Variants in YTHDF2 observed in about 807,000 individuals in gnomAD.
YTHDF2 encodes YTH domain-containing family protein 2.
Under a neutral mutation model 50.4 loss-of-function variants are expected in YTHDF2, and 2 were observed. The observed-to-expected ratio is 0.04, with a 90% CI of 0.02 to 0.12. The LOEUF is 0.12. Ranked by LOEUF, YTHDF2 falls within the 10% of genes least tolerant of loss-of-function variation. The pLI is 1.00. For synonymous variants in YTHDF2, 217 were observed against 255.6 expected (o/e 0.85, Z 1.44); for missense variants, 483 against 722.6 (o/e 0.67, Z 3.80).
At chr1:28,753,903 C>T (rs543431683) in intron 4 of YTHDF2, among the ~76,000 whole-genome samples, 1 of 152,044 alleles carries the variant, frequency 6.6e-6, no homozygotes, top group South Asian at 2.1e-4. Context: ...GACAGGGTTT[C>T]ATCATGTTGG....
At chr1:28,747,747 A>G (rs1168871148) in intron 4 of YTHDF2, among the ~76,000 whole-genome samples, 1 of 151,410 alleles carries the variant, frequency 6.6e-6, no homozygotes, top group South Asian at 2.1e-4. Flanking sequence ...TGAGTATCCT[A>G]GTTCTCAGCC....
At chr1:28,752,935 C>A (rs190567847) in intron 4 of YTHDF2, among the ~76,000 whole-genome samples, 61 of 151,880 alleles carry the variant, frequency 4.0e-4, no homozygotes, top group Admixed American at 2.3e-3. Context: ...AGTATAGCTA[C>A]TCAGGAGGCT....
intron 4 of YTHDF2, among the ~76,000 whole-genome samples, chr1:28,744,370 C>T (rs899852636): frequency 7.2e-5 from 11 of 152,192 alleles, no homozygotes; most frequent in African/African-American, 2.7e-4. Flanking sequence ...GAAATGTTCT[C>T]TGTTGGATTA....
chr1:28,746,265 T>C (rs2087858981), intron 4 of YTHDF2, among the ~76,000 whole-genome samples: 2 of 152,114 alleles, frequency 1.3e-5, no homozygotes, highest in Admixed American at 6.6e-5. Context: ...ATCTTATTAA[T>C]CTTTATAATA....
intron 4 of YTHDF2, among the ~76,000 whole-genome samples, chr1:28,757,379 C>G (rs906461839): frequency 6.6e-6 from 1 of 152,138 alleles, no homozygotes; most frequent in Non-Finnish European, 1.5e-5. Flanking sequence ...GGCCAATCCC[C>G]TGTGTGAACT....
Position 28,768,923 on chromosome 1 carries a change from C to T in YTHDF2, c.1717-6C>T, listed in dbSNP as rs1296870189. On this transcript the variant is annotated splice_region_variant and splice_polypyrimidine_tract_variant and intron_variant, in intron 4 of 4. Transcript: ENST00000373812. ...AACCATTTCAATTTTTTTCTTACCT[C>T]TGTAGGAACGTCAAGGTCGTGGGAA... 7.5e-6 allele frequency: 12 copies of T among 1,590,982 alleles called. No homozygotes were observed. The African/African-American group carries it at 1.6e-4, about 21-fold the overall frequency.
intron 4 of YTHDF2, among the ~76,000 whole-genome samples, chr1:28,759,243 TAATA>T (rs1276892159): frequency 5.3e-5 from 8 of 152,298 alleles, no homozygotes; most frequent in South Asian, 2.1e-4. Flanking sequence ...GTGGTCTTGA[TAATA>T]AATATATAGG....
chr1:28,749,986 G>GGTTTT (rs762743600), intron 4 of YTHDF2, among the ~76,000 whole-genome samples: 13 of 78,332 alleles, frequency 1.7e-4, no homozygotes, highest in South Asian at 4.5e-4. Flanking sequence ...AAAAAAGGTT[G>GGTTTT]TTTTTTTTTT....
intron 4 of YTHDF2, among the ~76,000 whole-genome samples, chr1:28,746,909 C>T (rs551554132): frequency 3.2e-4 from 48 of 151,884 alleles, no homozygotes; most frequent in African/African-American, 1.1e-3. Context: ...TGGAGAAACC[C>T]TGTCTCTACT....
chr1:28,754,545 C>T (rs12135002), intron 4 of YTHDF2, among the ~76,000 whole-genome samples: 26,986 of 148,794 alleles, frequency 0.18, 3,026 homozygotes, highest in Non-Finnish European at 0.24. Flanking sequence ...AAAAATTGGC[C>T]GGGCGCGGTG....
intron 4 of YTHDF2, 42 bp from the exon 5 acceptor site, chr1:28,768,887 A>T (rs372278987): frequency 1.3e-4 from 196 of 1,529,258 alleles, no homozygotes; most frequent in Non-Finnish European, 1.7e-4. Flanking sequence ...AAGCATGTTC[A>T]GATAATTTTT....
At chr1:28,748,486 C>T (rs2087898299) in intron 4 of YTHDF2, among the ~76,000 whole-genome samples, 1 of 152,194 alleles carries the variant, frequency 6.6e-6, no homozygotes, top group South Asian at 2.1e-4. Context: ...GAAGGTGTCA[C>T]AGCTGTTTTA....
chr1:28,738,733 C>T (rs897235004), intron 3 of YTHDF2, among the ~76,000 whole-genome samples: 20 of 152,350 alleles, frequency 1.3e-4, no homozygotes, highest in African/African-American at 4.3e-4. Flanking sequence ...GCCACCACGC[C>T]TAGCCGAGGA....
At chr1:28,760,581 C>T (rs1019077458) in intron 4 of YTHDF2, among the ~76,000 whole-genome samples, 1 of 151,922 alleles carries the variant, frequency 6.6e-6, no homozygotes, top group African/African-American at 2.4e-5. Context: ...AGCCACCACA[C>T]CTGGCTTTTT....
chr1:28,748,166 A>C (rs545070913), intron 4 of YTHDF2, among the ~76,000 whole-genome samples: 4 of 151,726 alleles, frequency 2.6e-5, no homozygotes, highest in African/African-American at 9.7e-5. Context: ...CTGGGATTTC[A>C]GGAAGATGCC....
chr1:28,765,311 A>G (rs945320838), intron 4 of YTHDF2, among the ~76,000 whole-genome samples: 5 of 151,952 alleles, frequency 3.3e-5, no homozygotes, highest in African/African-American at 1.2e-4. Context: ...GTAATTATAT[A>G]AACATTAAAG....
chr1:28,751,439 A>T (rs2087950822), intron 4 of YTHDF2, among the ~76,000 whole-genome samples: 1 of 152,220 alleles, frequency 6.6e-6, no homozygotes, highest in African/African-American at 2.4e-5. Context: ...TTAAACCAGG[A>T]TGACAAACAT....
chr1:28,746,701 A>C (rs1395429033), intron 4 of YTHDF2, among the ~76,000 whole-genome samples: 1 of 152,022 alleles, frequency 6.6e-6, no homozygotes, highest in Non-Finnish European at 1.5e-5. Flanking sequence ...CAGGGGTTGC[A>C]GTGAGCTGAG....
chr1:28,762,484 C>A (rs2088151333), intron 4 of YTHDF2, among the ~76,000 whole-genome samples: 2 of 152,160 alleles, frequency 1.3e-5, no homozygotes. Flanking sequence ...GGGTTTCTTT[C>A]AAGGTTCATG....
Sources: gnomAD v4.1 joint callset for allele counts (sites outside exome capture counted in the v4.1 genomes callset) on GRCh38, gnomAD v4.1.1 for gene constraint, MANE v1.5 for transcripts, NCBI Gene and HGNC (gene_info 2026-07-23, HGNC 2026-07-21) for gene names.